The following KCTD1 variants were observed in gnomAD, a reference collection of about 807,000 sequenced individuals.
The protein encoded by KCTD1 is BTB/POZ domain-containing protein KCTD1.
In KCTD1, 24 loss-of-function variants were observed where a neutral mutation model predicts 66.0. That is an observed-to-expected ratio of 0.36 (90% CI 0.26 to 0.51). The LOEUF is 0.51. KCTD1 is among the 20% of genes least tolerant of loss of function. KCTD1 has a pLI of 0.95. For missense variants in KCTD1, 943 were observed against 1,205.2 expected, an observed-to-expected ratio of 0.78 and a Z score of 3.22; for synonymous variants, 511 against 517.2, an observed-to-expected ratio of 0.99 and a Z score of 0.16.
chr18:26,493,421 T>C (rs1472037064), intron 2 of KCTD1, among the ~76,000 whole-genome samples: 4 of 152,064 alleles, frequency 2.6e-5, no homozygotes, highest in African/African-American at 7.2e-5. Context: ...GAAAAACATG[T>C]AGGAATAAAA....
At chr18:26,657,271 C>T (rs1171176808) in intron 1 of KCTD1, 1 of 937,572 alleles carries the variant, frequency 1.1e-6, no homozygotes, top group Non-Finnish European at 1.3e-6. Context: ...CGCCCCATGC[C>T]TGGCACATGC....
chr18:26,526,994 A>G (rs1428266495), intron 1 of KCTD1, among the ~76,000 whole-genome samples: 1 of 152,042 alleles, frequency 6.6e-6, no homozygotes, highest in Non-Finnish European at 1.5e-5. Context: ...AGCTGTGAGC[A>G]CTAATGCTTT....
chr18:26,490,033 A>T (rs1982113649), intron 2 of KCTD1, among the ~76,000 whole-genome samples: 1 of 152,226 alleles, frequency 6.6e-6, no homozygotes, highest in Admixed American at 6.5e-5. Context: ...CAATGATATT[A>T]TTCATGACTG....
intron 1 of KCTD1, among the ~76,000 whole-genome samples, chr18:26,651,788 A>G (rs1988039564): frequency 7.4e-6 from 1 of 134,972 alleles, no homozygotes; most frequent in Admixed American, 7.3e-5. Context: ...GGTCTCAAAA[A>G]AAAAAAAAAA....
chr18:26,459,499 A>G (rs544128266), intron 4 of KCTD1, 121 bp downstream of exon 4: 1 of 917,276 alleles, frequency 1.1e-6, no homozygotes, highest in Non-Finnish European at 1.6e-6. Flanking sequence ...CACCTACCCA[A>G]CAGAAGTGTC....
chr18:26,511,414 C>T (rs142231837), intron 1 of KCTD1, among the ~76,000 whole-genome samples: 1 of 152,340 alleles, frequency 6.6e-6, no homozygotes, highest in African/African-American at 2.4e-5. Flanking sequence ...CCTCCATTCC[C>T]AGCTCTAAAA....
At chr18:26,517,348 A>G (rs1216543029) in intron 1 of KCTD1, among the ~76,000 whole-genome samples, 1 of 152,038 alleles carries the variant, frequency 6.6e-6, no homozygotes, top group Non-Finnish European at 1.5e-5. Flanking sequence ...ACGAGATCTG[A>G]TGGTTTTAAA....
chr18:26,613,734 A>G (rs545844606), intron 1 of KCTD1, among the ~76,000 whole-genome samples: 2 of 152,386 alleles, frequency 1.3e-5, no homozygotes, highest in African/African-American at 4.8e-5. Context: ...TACTTTGAAC[A>G]GAGAGAAGAG....
chr18:26,640,343 G>A (rs568566161), exon 1 of KCTD1: 1 of 152,390 alleles, frequency 6.6e-6, no homozygotes, highest in African/African-American at 2.4e-5. Flanking sequence ...GGCAGGTGGT[G>A]GGGTAGCTGA....
intron 1 of KCTD1, among the ~76,000 whole-genome samples, chr18:26,635,102 T>C (rs1338839087): frequency 6.6e-6 from 1 of 152,262 alleles, no homozygotes; most frequent in Admixed American, 6.5e-5. Flanking sequence ...TTTCTCATTA[T>C]GGCTTTTTTT....
At chr18:26,626,232 G>A (rs1248461655) in intron 1 of KCTD1, among the ~76,000 whole-genome samples, 2 of 151,836 alleles carry the variant, frequency 1.3e-5, no homozygotes, top group Non-Finnish European at 2.9e-5. Flanking sequence ...GCAATCAAGA[G>A]CATCCAAACA....
chr18:26,499,247 A>G (rs968626598), intron 2 of KCTD1, among the ~76,000 whole-genome samples: 6 of 152,208 alleles, frequency 3.9e-5, no homozygotes, highest in Non-Finnish European at 8.8e-5. Context: ...ATTCATCTAA[A>G]GAGGCAGCTG....
intron 1 of KCTD1, among the ~76,000 whole-genome samples, chr18:26,511,470 T>C (rs1983324980): frequency 6.6e-6 from 1 of 152,214 alleles, no homozygotes; most frequent in Non-Finnish European, 1.5e-5. Context: ...ACACTGCCTG[T>C]GTTTCCTGAA....
upstream of KCTD1, among the ~76,000 whole-genome samples, chr18:26,552,025 T>C (rs11662951): frequency 0.42 from 64,433 of 152,044 alleles, 14,204 homozygotes; most frequent in Non-Finnish European, 0.5. Context: ...ATTGCAATTA[T>C]TTAACTGTCA....
chr18:26,531,531 TA>T (rs1245109433), intron 1 of KCTD1, among the ~76,000 whole-genome samples: 1 of 152,226 alleles, frequency 6.6e-6, no homozygotes, highest in African/African-American at 2.4e-5. Flanking sequence ...TGTTTAACTT[TA>T]AAAAGCCTGA....
chr18:26,617,831 AGAAG>A lies in KCTD1; in HGVS notation c.-16+11312_-16+11315del, dbSNP rs1170380555. Reference sequence around the variant, plus strand: ...AGCTTGGCATTAAGCAATCAGAGGAAGAAGGAAGGAAGGAAGGAAGGGAGGGAGG... The same window carrying A: ...AGCTTGGCATTAAGCAATCAGAGGAAGAAGGAAGGAAGGAAGGGAGGGAGG... On this transcript the variant is annotated intron_variant, in intron 1 of 4. Coordinates refer to the KCTD1 transcript ENST00000317932. Among the ~76,000 whole-genome samples the A allele has an allele frequency of 4.8e-3, 531 of 110,832 alleles. 5 individuals are homozygous for A. The highest frequency in any genetic ancestry group is 0.017 in the African/African-American group (484 of 28,522). 72.7% of individuals were successfully genotyped at this position (110,832 alleles called of 152,430 possible). A position where few individuals can be genotyped will look rare whatever the true frequency, so the allele number is the denominator to read the frequency against.
chr18:26,616,465 A>ATC (rs928689690), intron 1 of KCTD1, among the ~76,000 whole-genome samples: 1 of 110,296 alleles, frequency 9.1e-6, no homozygotes, highest in African/African-American at 3.7e-5. Context: ...TTACATACAT[A>ATC]TATATATATA....
intron 3 of KCTD1, among the ~76,000 whole-genome samples, chr18:26,474,919 T>C (rs1332705486): frequency 6.6e-6 from 1 of 152,224 alleles, no homozygotes; most frequent in Non-Finnish European, 1.5e-5. Context: ...TTTTGTGAAT[T>C]TATGATGTAG....
intron 1 of KCTD1, among the ~76,000 whole-genome samples, chr18:26,557,380 A>G (rs1985731741): frequency 6.6e-6 from 1 of 152,208 alleles, no homozygotes; most frequent in South Asian, 2.1e-4. Flanking sequence ...TTTAGACCTC[A>G]GTACCATGCT....
Sources: gnomAD v4.1 joint callset for allele counts (sites outside exome capture counted in the v4.1 genomes callset) on GRCh38, gnomAD v4.1.1 for gene constraint, MANE v1.5 for transcripts, NCBI Gene and HGNC (gene_info 2026-07-23, HGNC 2026-07-21) for gene names.